The following HS3ST4 variants were observed in gnomAD, a reference collection of about 807,000 sequenced individuals.
The protein encoded by HS3ST4 is heparan sulfate glucosamine 3-O-sulfotransferase 4.
HS3ST4 carries 17 observed loss-of-function variants against 29.2 expected under a neutral mutation model. The ratio of observed to expected loss-of-function variants is 0.58; its 90% CI spans 0.40 to 0.87. The LOEUF (loss-of-function observed/expected upper bound fraction) is 0.87, where lower values mean the gene tolerates loss of function less well. Among genes scored for constraint, HS3ST4 ranks in the 40% least tolerant of loss-of-function variants. HS3ST4 has a pLI of 0.00. For missense variants in HS3ST4, 627 were observed against 634.5 expected, an observed-to-expected ratio of 0.99 and a Z score of 0.13; for synonymous variants, 314 against 285.7, an observed-to-expected ratio of 1.10 and a Z score of -1.00.
At chr16:26,131,462 A>G (rs1899417930) in intron 1 of HS3ST4, among the ~76,000 whole-genome samples, 1 of 152,134 alleles carries the variant, frequency 6.6e-6, no homozygotes, top group African/African-American at 2.4e-5. Context: ...ACTGCCCTCC[A>G]GCGTTACTGG....
chr16:26,028,424 GA>G (rs1887699541), intron 1 of HS3ST4, among the ~76,000 whole-genome samples: 1 of 152,064 alleles, frequency 6.6e-6, no homozygotes, highest in Admixed American at 6.6e-5. Context: ...TAGTTATCAA[GA>G]AGAGAGACTT....
At chr16:25,878,552 T>C (rs868491385) in intron 1 of HS3ST4, among the ~76,000 whole-genome samples, 23 of 152,144 alleles carry the variant, frequency 1.5e-4, no homozygotes, top group African/African-American at 5.1e-4. Flanking sequence ...GAAAGCCACG[T>C]CACGCTATGG....
At chr16:25,972,779 G>A (rs574296832) in intron 1 of HS3ST4, among the ~76,000 whole-genome samples, 1 of 152,178 alleles carries the variant, frequency 6.6e-6, no homozygotes, top group African/African-American at 2.4e-5. Flanking sequence ...CGAAGAGGGA[G>A]GGGGATCCTT....
At chr16:25,865,436 A>G (rs1298245960) in intron 1 of HS3ST4, among the ~76,000 whole-genome samples, 2 of 152,100 alleles carry the variant, frequency 1.3e-5, no homozygotes, top group Non-Finnish European at 2.9e-5. Flanking sequence ...TTTTCATGTA[A>G]CTGTTGGCCA....
intron 1 of HS3ST4, among the ~76,000 whole-genome samples, chr16:26,084,146 G>T (rs762185006): frequency 9.2e-5 from 14 of 152,130 alleles, no homozygotes; most frequent in Non-Finnish European, 1.9e-4. Context: ...GTCCCCATGG[G>T]CTCTCTCCTG....
At chr16:25,835,358 C>T (rs1222969857) in intron 1 of HS3ST4, among the ~76,000 whole-genome samples, 2 of 152,166 alleles carry the variant, frequency 1.3e-5, no homozygotes, top group Non-Finnish European at 2.9e-5. Flanking sequence ...AGCCAGAGGG[C>T]AGCTTCTCTA....
intron 1 of HS3ST4, among the ~76,000 whole-genome samples, chr16:25,777,754 T>C (rs1292809698): frequency 6.6e-6 from 1 of 151,966 alleles, no homozygotes; most frequent in Non-Finnish European, 1.5e-5. Context: ...GGCGACAGAG[T>C]GAGACTCCAT....
chr16:25,774,420 G>A (rs1966845649), intron 1 of HS3ST4, among the ~76,000 whole-genome samples: 1 of 152,204 alleles, frequency 6.6e-6, no homozygotes, highest in African/African-American at 2.4e-5. Flanking sequence ...TACAGCTCAA[G>A]GGCTGGAGCA....
intron 1 of HS3ST4, among the ~76,000 whole-genome samples, chr16:25,958,748 G>A (rs1019066372): frequency 3.3e-5 from 5 of 152,186 alleles, no homozygotes; most frequent in African/African-American, 9.7e-5. Flanking sequence ...TTTCAGCTGG[G>A]AGCTCAGTTG....
At chr16:25,931,457 CACAAACGATA>C (rs1181769637) in intron 1 of HS3ST4, among the ~76,000 whole-genome samples, 2 of 152,232 alleles carry the variant, frequency 1.3e-5, no homozygotes, top group African/African-American at 4.8e-5. Context: ...AAGTGCAGGG[CACAAACGATA>C]ACCATTCAAT....
intron 1 of HS3ST4, among the ~76,000 whole-genome samples, chr16:26,033,860 A>G (rs539411116): frequency 2.0e-5 from 3 of 152,224 alleles, no homozygotes; most frequent in Non-Finnish European, 4.4e-5. Flanking sequence ...CAAGAGACTC[A>G]TCTGAGCCTC....
At chr16:25,886,534 G>A (rs1967955069) in intron 1 of HS3ST4, among the ~76,000 whole-genome samples, 1 of 152,180 alleles carries the variant, frequency 6.6e-6, no homozygotes, top group South Asian at 2.1e-4. Flanking sequence ...AGGAAGCTCA[G>A]TTTCCCGAAG....
chr16:25,758,308 A>G (rs1372418102), intron 1 of HS3ST4, among the ~76,000 whole-genome samples: 2 of 152,182 alleles, frequency 1.3e-5, no homozygotes, highest in Admixed American at 6.5e-5. Context: ...AATTGGTTAC[A>G]AATGTTAATC....
chr16:25,815,309 T>C (rs1403734667), intron 1 of HS3ST4, among the ~76,000 whole-genome samples: 1 of 152,152 alleles, frequency 6.6e-6, no homozygotes, highest in Non-Finnish European at 1.5e-5. Context: ...CTATATACAA[T>C]TTTGGAGTCT....
chr16:26,111,117 C>T (rs2141803256), intron 1 of HS3ST4, among the ~76,000 whole-genome samples: 1 of 152,046 alleles, frequency 6.6e-6, no homozygotes, highest in Non-Finnish European at 1.5e-5. Context: ...GGCTAGAATG[C>T]TGTTGTGCGA....
intron 1 of HS3ST4, among the ~76,000 whole-genome samples, chr16:25,869,760 A>G (rs527523181): frequency 6.6e-6 from 1 of 152,222 alleles, no homozygotes; most frequent in Non-Finnish European, 1.5e-5. Context: ...AAGACACAGA[A>G]TAACTTATCC....
intron 1 of HS3ST4, among the ~76,000 whole-genome samples, chr16:25,921,645 C>G (rs1256543349): frequency 6.6e-6 from 1 of 152,120 alleles, no homozygotes; most frequent in Non-Finnish European, 1.5e-5. Context: ...AGCAGGAAAA[C>G]TTTTTGGTGC....
chr16:25,773,228 T>C (rs1284562089), intron 1 of HS3ST4, among the ~76,000 whole-genome samples: 7 of 152,156 alleles, frequency 4.6e-5, no homozygotes, highest in Non-Finnish European at 1.0e-4. Context: ...CTCAAATGTC[T>C]CCGTTCAGTT....
At position 25,862,373 on chromosome 16, in the gene HS3ST4, A is replaced by G. The variant is rs183471078; in HGVS notation, c.734+169222A>G. ...ATGCCTGGCTAATTTTTGTAGTTTTAGTAGAAACGGGGTTTCACTATATAG... is the reference window on the plus strand; with the variant it reads ...ATGCCTGGCTAATTTTTGTAGTTTTGGTAGAAACGGGGTTTCACTATATAG... On this transcript the variant is annotated intron_variant, in intron 1 of 1. Coordinates refer to ENST00000331351, the MANE Select transcript of HS3ST4 (RefSeq NM_006040.3). Among the ~76,000 whole-genome samples the G allele has an allele frequency of 5.3e-3, 803 of 152,136 alleles. 8 individuals are homozygous for G. The highest frequency in any genetic ancestry group is 0.019 in the African/African-American group (779 of 41,514).
Sources: allele counts gnomAD v4.1 joint callset (sites outside exome capture counted in the v4.1 genomes callset), GRCh38; gene constraint gnomAD v4.1.1; transcripts MANE v1.5; gene names NCBI Gene and HGNC (gene_info 2026-07-23, HGNC 2026-07-21).